The following EFCAB14 variants were observed in gnomAD, a reference collection of about 807,000 sequenced individuals.
The protein encoded by EFCAB14 is EF-hand calcium binding domain 14, also known as EF-hand calcium-binding domain-containing protein 14.
EFCAB14 carries 43 observed loss-of-function variants against 56.5 expected under a neutral mutation model. That is an observed-to-expected ratio of 0.76 (90% CI 0.60 to 0.98). EFCAB14 has a LOEUF of 0.98. Among genes scored for constraint, EFCAB14 ranks in the 50% least tolerant of loss-of-function variants. The pLI, the probability that EFCAB14 is intolerant of heterozygous loss-of-function variation, is 0.00. For missense variants in EFCAB14, 538 were observed against 580.3 expected (o/e 0.93, Z 0.75); for synonymous variants, 235 against 212.9 (o/e 1.10, Z -0.90).
At chr1:46,689,983 G>T (rs1279082618) in intron 5 of EFCAB14, among the ~76,000 whole-genome samples, 1 of 152,082 alleles carries the variant, frequency 6.6e-6, no homozygotes, top group African/African-American at 2.4e-5. Context: ...TTTCTCCTTT[G>T]CCCCATTGCC....
At chr1:46,688,726 G>A (rs1240349455) in intron 6 of EFCAB14, among the ~76,000 whole-genome samples, 182 bp from the exon 7 acceptor site, 2 of 152,166 alleles carry the variant, frequency 1.3e-5, no homozygotes, top group African/African-American at 4.8e-5. Context: ...TTTTGGAATT[G>A]TTTGGCCTCA....
rs149700890 is a variant in EFCAB14 at position 46,694,305 on chromosome 1, A to T, written c.579+2246T>A. Among the ~76,000 whole-genome samples, 708 of 152,308 alleles carry T rather than the reference A, an allele frequency of 4.6e-3. 2 individuals carry two copies. The highest frequency in any genetic ancestry group is 6.8e-3 in the Non-Finnish European group (462 of 68,010). On this transcript the variant is annotated intron_variant, in intron 4 of 10. Coordinates refer to ENST00000371933, the MANE Select transcript of EFCAB14 (RefSeq NM_014774.3). ...AGTGAACAGGCAACCTACAGAATGGAAGAAAATTTTTGCAATCTCCTCATC... is the reference window on the plus strand; with the variant it reads ...AGTGAACAGGCAACCTACAGAATGGTAGAAAATTTTTGCAATCTCCTCATC...
At chr1:46,711,317 C>A (rs1677304764) in intron 2 of EFCAB14, among the ~76,000 whole-genome samples, 2 of 152,216 alleles carry the variant, frequency 1.3e-5, no homozygotes, top group Middle Eastern at 3.2e-3. Flanking sequence ...AAACATCTGC[C>A]ATACTCAGGT....
rs781229853 is a variant in EFCAB14 at position 46,686,812 on chromosome 1, G to C, written c.1046C>G (p.Thr349Arg). The C allele has an allele frequency of 6.2e-7, 1 of 1,613,802 alleles. No individual in the cohort carries two copies. The change falls in exon 8 of 11, where the codon ACA becomes AGA. Residue 349 changes from threonine to arginine, a missense_variant. Physicochemically the swap from Thr to Arg is moderately conservative, Grantham distance 71. Coordinates refer to ENST00000371933, the MANE Select transcript of EFCAB14 (RefSeq NM_014774.3). ...TATGCTTTGGATTTTTACTGTATCTGTTCTGTTGGTGACTTGATCCAAAGA... is the reference window on the plus strand; with the variant it reads ...TATGCTTTGGATTTTTACTGTATCTCTTCTGTTGGTGACTTGATCCAAAGA... ...RQSLDQVTNRTDTVKIQSIKK... is the reference protein window; with the variant it reads ...RQSLDQVTNRRDTVKIQSIKK...
intron 8 of EFCAB14, among the ~76,000 whole-genome samples, chr1:46,685,526 T>G (rs772709240): frequency 6.6e-6 from 1 of 152,224 alleles, no homozygotes; most frequent in Non-Finnish European, 1.5e-5. Flanking sequence ...ACATATGTAG[T>G]GAAAACTAGG....
In EFCAB14 at chr1:46,691,832, C is replaced by A; in HGVS notation, c.685G>T (p.Asp229Tyr). 1.2e-6 allele frequency: 2 copies of A among 1,612,242 alleles called. No homozygotes were observed. Among genetic ancestry groups the A allele is most frequent in the Non-Finnish European group, 8.5e-7 (1 of 1,178,960 alleles). ...GACTTGCTGGGTCTCCTTACCATAT[C>A]ACTCTGCAGTAATTCCATCGTTTTC... ...HKKTMELLQS[D>Y]MNQHFLKETP... The change falls in exon 5 of 11, where the codon GAT (aspartate) becomes TAT (tyrosine). Residue 229 changes from aspartate (D) to tyrosine (Y), a missense_variant. Physicochemically the swap from Asp to Tyr is radical, Grantham distance 160. Coordinates refer to ENST00000371933, the MANE Select transcript of EFCAB14 (RefSeq NM_014774.3).
intron 5 of EFCAB14, among the ~76,000 whole-genome samples, chr1:46,689,896 C>T (rs534431715): frequency 1.3e-5 from 2 of 152,260 alleles, no homozygotes; most frequent in South Asian, 4.2e-4. Context: ...GCCAGCAGCA[C>T]CAAGATTACA....
intron 4 of EFCAB14, among the ~76,000 whole-genome samples, chr1:46,692,828 C>G (rs974795684): frequency 6.6e-6 from 1 of 152,162 alleles, no homozygotes; most frequent in Non-Finnish European, 1.5e-5. Flanking sequence ...ATCAATCAAA[C>G]AAGTAATTTT....
At chr1:46,709,370 CTTCT>C (rs35730462) in intron 2 of EFCAB14, among the ~76,000 whole-genome samples, 15,815 of 151,482 alleles carry the variant, frequency 0.1, 2,151 homozygotes, top group East Asian at 0.39. Flanking sequence ...TGGCTTGTCT[CTTCT>C]TTATTTCTAC....
chr1:46,691,682 T>C, intron 5 of EFCAB14, 145 bp downstream of exon 5: 1 of 519,910 alleles, frequency 1.9e-6, no homozygotes, highest in East Asian at 3.2e-5. Context: ...TATTAACAAA[T>C]TGTAGAACAA....
chr1:46,688,296 G>T, intron 7 of EFCAB14, 57 bp downstream of exon 7: 1 of 1,525,356 alleles, frequency 6.6e-7, no homozygotes. Context: ...GTGGTAGAAT[G>T]TTATCCATGC....
In EFCAB14 at chr1:46,677,484, G is replaced by C. The variant is rs1322207286; in HGVS notation, c.*977C>G. 1.3e-5 allele frequency: 2 copies of C among 152,052 alleles called. No homozygotes were observed. The highest frequency in any genetic ancestry group is 2.4e-5 in the African/African-American group (1 of 41,388). 9.4% of individuals were successfully genotyped at this position (152,052 alleles called of 1,614,324 possible). A position where few individuals can be genotyped will look rare whatever the true frequency, so the allele number is the denominator to read the frequency against. On this transcript the variant is annotated 3_prime_UTR_variant, in exon 11 of 11. Coordinates refer to ENST00000371933, the MANE Select transcript of EFCAB14 (RefSeq NM_014774.3). ...AGCACAGCTCTCTTCTAAAGCTCTGGGTGGTCAGTGTGAGATAATGGCTGG... is the reference window on the plus strand; with the variant it reads ...AGCACAGCTCTCTTCTAAAGCTCTGCGTGGTCAGTGTGAGATAATGGCTGG...
intron 10 of EFCAB14, among the ~76,000 whole-genome samples, chr1:46,679,331 C>T (rs944178314): frequency 6.6e-6 from 1 of 152,204 alleles, no homozygotes; most frequent in Non-Finnish European, 1.5e-5. Flanking sequence ...AGCTAAGTCT[C>T]ACTCTGTCGC....
At chr1:46,684,433 G>A in intron 9 of EFCAB14, 58 bp downstream of exon 9, 1 of 1,426,324 alleles carries the variant, frequency 7.0e-7, no homozygotes, top group Non-Finnish European at 9.9e-7. Context: ...TGCTCCCCAT[G>A]TGAGAGGCAA....
At chr1:46,702,825 C>G (rs895254234) in intron 3 of EFCAB14, among the ~76,000 whole-genome samples, 1 of 152,164 alleles carries the variant, frequency 6.6e-6, no homozygotes, top group Non-Finnish European at 1.5e-5. Flanking sequence ...GAGAGCTACA[C>G]AGAGTACTAT....
intron 3 of EFCAB14, among the ~76,000 whole-genome samples, chr1:46,703,672 A>G (rs1441366627): frequency 6.6e-6 from 1 of 152,140 alleles, no homozygotes; most frequent in African/African-American, 2.4e-5. Context: ...AAATCACCAA[A>G]AACAGCACAA....
At position 46,716,181 on chromosome 1, in the gene EFCAB14, G is replaced by A. The variant is rs756432956; in HGVS notation, c.334+114C>T. On this transcript the variant is annotated intron_variant, in intron 2 of 10. Coordinates refer to ENST00000371933, the MANE Select transcript of EFCAB14 (RefSeq NM_014774.3). The stretch of plus-strand genomic sequence containing the variant: ...TGAGAATCACTTGAACCTGGGTGGC[G>A]GATGTTGCAGTGAGCCGAGATTGCG... 137 of 1,156,622 alleles carry A rather than the reference G, an allele frequency of 1.2e-4. 1 individual carries two copies. The highest frequency in any genetic ancestry group is 2.8e-4 in the African/African-American group (18 of 63,410). The allele number at this position is 1,156,622 out of a possible 1,614,324, so 71.6% of individuals were successfully genotyped here.
At position 46,684,581 on chromosome 1, in the gene EFCAB14, G is replaced by T; in HGVS notation, c.1096C>A (p.Gln366Lys). ...SIKKEDSSNS[Q>K]VSKLREKLQL... ...AGTTTCTCTCTTAGCTTGGATACCT[G>T]AGAATTTGAACTATCTTCTTTCTGC... is the stretch of plus-strand genomic sequence containing the variant. Residue 366 changes from glutamine to lysine, a missense_variant, in exon 9 of 11, where the codon CAG becomes AAG. Transcript: ENST00000371933. 6.2e-7 allele frequency: 1 copy of T among 1,614,028 alleles called. No individual in the cohort carries two copies. Among genetic ancestry groups the T allele is most frequent in the Non-Finnish European group, 8.5e-7 (1 of 1,179,940 alleles).
intron 8 of EFCAB14, 179 bp downstream of exon 8, chr1:46,686,605 G>T: frequency 3.1e-6 from 2 of 651,472 alleles, no homozygotes; most frequent in South Asian, 3.6e-5. Context: ...TTTGGCACAG[G>T]GTAGGTGCCT....
Sources: allele counts gnomAD v4.1 joint callset (sites outside exome capture counted in the v4.1 genomes callset), GRCh38; gene constraint gnomAD v4.1.1; transcripts MANE v1.5; gene names NCBI Gene and HGNC (gene_info 2026-07-23, HGNC 2026-07-21).